The following DLEU7 variants were observed in gnomAD, a reference collection of about 807,000 sequenced individuals.
The protein encoded by DLEU7 is deleted in lymphocytic leukemia 7.
In DLEU7, 17 loss-of-function variants were observed where a neutral mutation model predicts 16.0. That is an observed-to-expected ratio of 1.06 (90% confidence interval 0.73 to 1.59). The LOEUF (loss-of-function observed/expected upper bound fraction) is 1.59, where lower values mean the gene tolerates loss of function less well. Ranked by LOEUF, DLEU7 falls within the 40% of genes most tolerant of loss-of-function variation. The pLI is 0.00. For missense variants in DLEU7, 308 were observed against 314.9 expected, an observed-to-expected ratio of 0.98 and a Z score of 0.17; for synonymous variants, 113 against 139.8, an observed-to-expected ratio of 0.81 and a Z score of 1.35.
intron 1 of DLEU7, among the ~76,000 whole-genome samples, chr13:50,736,945 G>A (rs563578950): frequency 6.6e-6 from 1 of 152,172 alleles, no homozygotes; most frequent in East Asian, 1.9e-4. Flanking sequence ...TACATAATGT[G>A]AAATCTGACA....
intron 1 of DLEU7, among the ~76,000 whole-genome samples, chr13:50,746,113 CA>C (rs1318047302): frequency 6.6e-6 from 1 of 152,158 alleles, no homozygotes; most frequent in African/African-American, 2.4e-5. Flanking sequence ...TAATAGCAAT[CA>C]ATACTTCCTA....
At chr13:50,796,614 T>G (rs1461894822) in intron 1 of DLEU7, among the ~76,000 whole-genome samples, 1 of 152,184 alleles carries the variant, frequency 6.6e-6, no homozygotes, top group Non-Finnish European at 1.5e-5. Flanking sequence ...AAGTGGGAAC[T>G]GCTATAGTCC....
At chr13:50,713,649 A>G (rs544022411) in intron 1 of DLEU7, among the ~76,000 whole-genome samples, 46 of 152,332 alleles carry the variant, frequency 3.0e-4, no homozygotes, top group African/African-American at 1.1e-3. Flanking sequence ...ATGATCTTAC[A>G]ATTCCTAAAC....
chr13:50,731,040 A>G (rs1873898951), intron 1 of DLEU7, among the ~76,000 whole-genome samples: 1 of 152,314 alleles, frequency 6.6e-6, no homozygotes, highest in African/African-American at 2.4e-5. Context: ...GCAACCAATC[A>G]GACAGGTCGT....
At chr13:50,773,952 C>T (rs1247736243) in intron 1 of DLEU7, among the ~76,000 whole-genome samples, 1 of 152,190 alleles carries the variant, frequency 6.6e-6, no homozygotes, top group Non-Finnish European at 1.5e-5. Flanking sequence ...ACTTTGTTTA[C>T]CTACTCAAGC....
At chr13:50,842,416 G>T (rs1362747324) in intron 1 of DLEU7, among the ~76,000 whole-genome samples, 2 of 152,136 alleles carry the variant, frequency 1.3e-5, no homozygotes, top group Admixed American at 1.3e-4. Context: ...AAACCAATTA[G>T]GTTAGTTAAT....
chr13:50,714,591 A>G (rs1873386086), intron 1 of DLEU7, among the ~76,000 whole-genome samples: 1 of 152,198 alleles, frequency 6.6e-6, no homozygotes, highest in Non-Finnish European at 1.5e-5. Flanking sequence ...TGGTCCAATA[A>G]CCCTGAAACC....
chr13:50,814,617 A>C (rs1185179043), intron 1 of DLEU7, among the ~76,000 whole-genome samples: 2 of 151,234 alleles, frequency 1.3e-5, no homozygotes, highest in African/African-American at 2.4e-5. Flanking sequence ...GGCTGTGGGG[A>C]ATCAAGGTTC....
At chr13:50,827,152 T>C (rs1267645400) in intron 1 of DLEU7, among the ~76,000 whole-genome samples, 2 of 152,156 alleles carry the variant, frequency 1.3e-5, no homozygotes, top group African/African-American at 4.8e-5. Context: ...TTAGGACATC[T>C]AAATGTGGTA....
Position 50,843,625 on chromosome 13 carries a change from C to T in DLEU7, c.22G>A (p.Val8Met). 6.6e-7 allele frequency: 1 copy of T among 1,511,958 alleles called. No homozygotes were observed. The highest frequency in any genetic ancestry group is 8.8e-7 in the Non-Finnish European group (1 of 1,136,240). 93.7% of individuals were successfully genotyped at this position (1,511,958 alleles called of 1,614,324 possible). A position where few individuals can be genotyped will look rare whatever the true frequency, so the allele number is the denominator to read the frequency against. ...ACCATTTGGTGGCTGATGGAGGCCACTAAGGGCGCAGGGCTGGCCATCGCC... is the reference window on the plus strand; with the variant it reads ...ACCATTTGGTGGCTGATGGAGGCCATTAAGGGCGCAGGGCTGGCCATCGCC... The part of the protein sequence containing the change: MASPAPL[V>M]ASISHQMVAL... Residue 8 changes from valine to methionine, a missense_variant, in exon 1 of 2, where the codon GTG becomes ATG. By Grantham distance (21) the Val-to-Met change is conservative. Coordinates refer to ENST00000504404, the MANE Select transcript of DLEU7 (RefSeq NM_001306135.2). The surrounding 1 kb of genome is among the most constrained non-coding windows in gnomAD (Gnocchi z 5.7).
intron 1 of DLEU7, among the ~76,000 whole-genome samples, chr13:50,797,227 TG>T (rs964282849): frequency 1.1e-4 from 16 of 152,092 alleles, no homozygotes; most frequent in African/African-American, 3.9e-4. Flanking sequence ...AAAAGCGTGC[TG>T]GGATTCATCC....
intron 1 of DLEU7, among the ~76,000 whole-genome samples, chr13:50,792,658 G>A (rs1875993131): frequency 6.6e-6 from 1 of 152,116 alleles, no homozygotes; most frequent in Admixed American, 6.5e-5. Flanking sequence ...TGTTAATGGT[G>A]TGCGCACTGT....
chr13:50,738,577 C>A (rs951695472), intron 1 of DLEU7, among the ~76,000 whole-genome samples: 4 of 152,092 alleles, frequency 2.6e-5, no homozygotes, highest in Non-Finnish European at 5.9e-5. Context: ...AAGAACCTGC[C>A]TGATTCCAAA....
intron 1 of DLEU7, among the ~76,000 whole-genome samples, chr13:50,797,996 T>A (rs17074950): frequency 6.6e-6 from 1 of 152,202 alleles, no homozygotes; most frequent in Non-Finnish European, 1.5e-5. Context: ...GTTCACAGTC[T>A]AACAGATGGG....
intron 1 of DLEU7, among the ~76,000 whole-genome samples, chr13:50,739,493 A>C (rs759112143): frequency 6.6e-6 from 1 of 152,182 alleles, no homozygotes; most frequent in Non-Finnish European, 1.5e-5. Context: ...GAGACAGGCA[A>C]ACCTTGAGCC....
chr13:50,797,550 T>C (rs907641667), intron 1 of DLEU7, among the ~76,000 whole-genome samples: 1 of 152,196 alleles, frequency 6.6e-6, no homozygotes, highest in African/African-American at 2.4e-5. Context: ...TAGATGTTAG[T>C]TTCTTCATTG....
At chr13:50,771,619 G>A (rs1170247005) in intron 1 of DLEU7, among the ~76,000 whole-genome samples, 1 of 152,190 alleles carries the variant, frequency 6.6e-6, no homozygotes, top group Non-Finnish European at 1.5e-5. Context: ...TTGCACTGTG[G>A]TCTGAGAGAC....
chr13:50,832,696 G>T (rs911872321), intron 1 of DLEU7, among the ~76,000 whole-genome samples: 1 of 152,088 alleles, frequency 6.6e-6, no homozygotes, highest in Non-Finnish European at 1.5e-5. Context: ...GTTCTCATTG[G>T]TTTCAAAGAA....
intron 1 of DLEU7, among the ~76,000 whole-genome samples, chr13:50,762,053 G>C (rs982267405): frequency 9.9e-5 from 15 of 151,698 alleles, no homozygotes; most frequent in African/African-American, 3.6e-4. Context: ...TTAGCCAGGC[G>C]TGGTGGTGGG....
Sources: allele counts gnomAD v4.1 joint callset (sites outside exome capture counted in the v4.1 genomes callset), GRCh38; gene constraint gnomAD v4.1.1; non-coding constraint Gnocchi (gnomAD v3.1); transcripts MANE v1.5; gene names NCBI Gene and HGNC (gene_info 2026-07-23, HGNC 2026-07-21).